Variants in KCNQ5 observed in about 807,000 individuals in gnomAD.
The protein encoded by KCNQ5 is potassium voltage-gated channel subfamily KQT member 5.
In KCNQ5, 30 loss-of-function variants were observed where a neutral mutation model predicts 98.2. The ratio of observed to expected loss-of-function variants is 0.31; its 90% confidence interval spans 0.23 to 0.41. The LOEUF (loss-of-function observed/expected upper bound fraction) is 0.41, where lower values mean the gene tolerates loss of function less well. Among genes scored for constraint, KCNQ5 ranks in the 10% least tolerant of loss-of-function variants. KCNQ5 has a pLI of 1.00. For missense variants in KCNQ5, 835 were observed against 1,182.5 expected, an observed-to-expected ratio of 0.71 and a Z score of 4.31; for synonymous variants, 458 against 449.4, an observed-to-expected ratio of 1.02 and a Z score of -0.24.
At chr6:72,950,516 G>T (rs962950459) in intron 1 of KCNQ5, among the ~76,000 whole-genome samples, 2 of 152,212 alleles carry the variant, frequency 1.3e-5, no homozygotes, top group African/African-American at 4.8e-5. Flanking sequence ...ATGAATCACA[G>T]GAACCATTGG....
chr6:72,905,237 A>C (rs575348380), intron 1 of KCNQ5, among the ~76,000 whole-genome samples: 12 of 151,730 alleles, frequency 7.9e-5, no homozygotes, highest in Non-Finnish European at 1.6e-4. Flanking sequence ...GATTTTTTTT[A>C]TTTATGCTAT....
intron 1 of KCNQ5, among the ~76,000 whole-genome samples, chr6:72,713,689 T>A (rs1023158505): frequency 6.6e-6 from 1 of 152,208 alleles, no homozygotes; most frequent in African/African-American, 2.4e-5. Flanking sequence ...TATTCTAGGC[T>A]AAAGGAATAA....
intron 1 of KCNQ5, among the ~76,000 whole-genome samples, chr6:72,852,873 T>G (rs1777341482): frequency 6.6e-6 from 1 of 151,752 alleles, no homozygotes; most frequent in Non-Finnish European, 1.5e-5. Context: ...GTTCTTGGGA[T>G]TATATATTAT....
chr6:72,915,149 C>G (rs1336878092), intron 1 of KCNQ5, among the ~76,000 whole-genome samples: 1 of 151,716 alleles, frequency 6.6e-6, no homozygotes, highest in Admixed American at 6.6e-5. Flanking sequence ...GGCTTTTTAG[C>G]AAAAAGTAAA....
intron 1 of KCNQ5, among the ~76,000 whole-genome samples, chr6:72,793,486 C>G (rs1774167515): frequency 6.6e-6 from 1 of 152,170 alleles, no homozygotes; most frequent in African/African-American, 2.4e-5. Context: ...CAGATCATGC[C>G]CAAACATTTA....
chr6:73,181,650 G>C (rs890634931), intron 11 of KCNQ5, among the ~76,000 whole-genome samples: 1 of 152,228 alleles, frequency 6.6e-6, no homozygotes, highest in Non-Finnish European at 1.5e-5. Context: ...GCACATGTGA[G>C]TAAAAACAAT....
intron 1 of KCNQ5, among the ~76,000 whole-genome samples, chr6:72,637,836 A>T (rs77584656): frequency 0.018 from 2,807 of 152,302 alleles, 69 homozygotes; most frequent in African/African-American, 0.062. Context: ...ACTCTTATTC[A>T]TCTAGTCCTT....
In KCNQ5 at chr6:73,195,926, C is replaced by A. The variant is rs1286091385; in HGVS notation, c.*512C>A. ...CTTATTTCAAGATATATTTGCCAAC[C>A]CATTCCTATTCAGTCATTTTATTAT... is the stretch of plus-strand genomic sequence containing the variant. On this transcript the variant is annotated 3_prime_UTR_variant, in exon 14 of 14. Coordinates refer to ENST00000370398, the MANE Select transcript of KCNQ5 (RefSeq NM_019842.4). 2 of 157,052 alleles carry A rather than the reference C, an allele frequency of 1.3e-5. No individual in the cohort carries two copies. The highest frequency in any genetic ancestry group is 3.7e-4 in the East Asian group (2 of 5,376). 9.7% of individuals were successfully genotyped at this position (157,052 alleles called of 1,614,324 possible).
intron 11 of KCNQ5, among the ~76,000 whole-genome samples, chr6:73,180,905 C>T (rs3799281): frequency 0.048 from 7,307 of 152,164 alleles, 200 homozygotes; most frequent in East Asian, 0.1. Context: ...ATCTGTTTGG[C>T]GGTGGCAGCA....
chr6:72,971,232 G>A (rs892233670), intron 1 of KCNQ5, among the ~76,000 whole-genome samples: 2 of 152,132 alleles, frequency 1.3e-5, no homozygotes, highest in Admixed American at 6.5e-5. Flanking sequence ...GCAGCCAAAA[G>A]ACACATGAAA....
chr6:72,769,870 A>C (rs1384111999), intron 1 of KCNQ5, among the ~76,000 whole-genome samples: 4 of 152,134 alleles, frequency 2.6e-5, no homozygotes, highest in African/African-American at 9.7e-5. Context: ...AAAGAACTCA[A>C]CAGCTGTTAA....
At chr6:72,629,257 G>A (rs1308551344) in intron 1 of KCNQ5, among the ~76,000 whole-genome samples, 2 of 152,146 alleles carry the variant, frequency 1.3e-5, no homozygotes, top group African/African-American at 4.8e-5. Context: ...TTAAGTTTAT[G>A]TCTGTAGAGA....
At chr6:72,729,355 T>C (rs895479012) in intron 1 of KCNQ5, among the ~76,000 whole-genome samples, 2 of 152,240 alleles carry the variant, frequency 1.3e-5, no homozygotes, top group African/African-American at 4.8e-5. Flanking sequence ...TGGCACAATC[T>C]CAGCTCATGG....
chr6:73,090,927 A>T (rs1774219140), intron 5 of KCNQ5, among the ~76,000 whole-genome samples: 1 of 152,202 alleles, frequency 6.6e-6, no homozygotes, highest in South Asian at 2.1e-4. Flanking sequence ...CTCCTCAAGG[A>T]TCTAGAACTA....
chr6:73,041,828 C>T, intron 2 of KCNQ5, 108 bp from the exon 3 acceptor site: 2 of 1,222,058 alleles, frequency 1.6e-6, no homozygotes, highest in East Asian at 2.3e-5. Flanking sequence ...ATATTAACAA[C>T]TAGATCCTTT....
intron 1 of KCNQ5, among the ~76,000 whole-genome samples, chr6:72,648,808 T>A (rs1765734618): frequency 6.6e-6 from 1 of 151,152 alleles, no homozygotes; most frequent in Non-Finnish European, 1.5e-5. Context: ...AGAGGTCTTC[T>A]GTTTGAAATA....
chr6:72,731,456 T>G (rs117842328), intron 1 of KCNQ5, among the ~76,000 whole-genome samples: 1 of 152,238 alleles, frequency 6.6e-6, no homozygotes, highest in African/African-American at 2.4e-5. Flanking sequence ...AAATGAGTTA[T>G]GGGTATAGGC....
At chr6:72,966,418 A>C (rs1767615484) in intron 1 of KCNQ5, among the ~76,000 whole-genome samples, 1 of 151,738 alleles carries the variant, frequency 6.6e-6, no homozygotes, top group South Asian at 2.1e-4. Context: ...AAAAAAAAAA[A>C]ATAGTTGGGC....
rs11969987 is a variant in KCNQ5, at chr6:73,061,763, A to G, written c.617-15559A>G. Among the ~76,000 whole-genome samples the G allele has an allele frequency of 2.9e-3, 445 of 152,308 alleles. 9 individuals carry two copies. Among genetic ancestry groups the G allele is most frequent in the Admixed American group, 0.025 (384 of 15,292 alleles). On this transcript the variant is annotated intron_variant, in intron 3 of 13. Transcript: ENST00000370398. The stretch of plus-strand genomic sequence containing the variant: ...TCAAAGGATTGCCCAAGAAGATGCA[A>G]TGAGATGATACATGTAAAGTGCTTA...
Sources: allele counts gnomAD v4.1 joint callset (sites outside exome capture counted in the v4.1 genomes callset), GRCh38; gene constraint gnomAD v4.1.1; transcripts MANE v1.5; gene names NCBI Gene and HGNC (gene_info 2026-07-23, HGNC 2026-07-21).